Variants in TTN observed in about 807,000 individuals in gnomAD.
TTN encodes connectin.
In TTN, 1,525 loss-of-function variants were observed where a neutral mutation model predicts 3,223.0. The observed-to-expected ratio is 0.47, with a 90% CI of 0.45 to 0.49. The LOEUF is 0.49. Ranked by LOEUF, TTN falls within the 20% of genes least tolerant of loss-of-function variation. The pLI, the probability that TTN is intolerant of heterozygous loss-of-function variation, is 0.00. For synonymous variants in TTN, 14,094 were observed against 15,161.0 expected, an observed-to-expected ratio of 0.93 and a Z score of 5.17; for missense variants, 40,786 against 43,424.0, an observed-to-expected ratio of 0.94 and a Z score of 5.40.
Position 178,773,095 on chromosome 2 carries a change from A to G in TTN, c.7855+14T>C. ...TCACTCCTCGTAAGAATTTAGGTTA[A>G]TAAATATACCAACCTGCCACAGTAA... On this transcript the variant is annotated intron_variant, in intron 33 of 362. Coordinates refer to ENST00000589042, the MANE Select transcript of TTN (RefSeq NM_001267550.2). 9 of 1,613,764 alleles carry G rather than the reference A, an allele frequency of 5.6e-6. No individual in the cohort carries two copies. The highest frequency in any genetic ancestry group is 7.6e-6 in the Non-Finnish European group (9 of 1,179,788).
rs746903647 is a variant in TTN at position 178,585,290 on chromosome 2, C to T, written c.64454G>A (p.Arg21485Gln). The T allele has an allele frequency of 2.7e-5, 43 of 1,611,554 alleles. No homozygotes were observed. The highest frequency in any genetic ancestry group is 7.7e-5 in the South Asian group (7 of 90,660). The change falls in exon 309 of 363, where the codon CGA (arginine) becomes CAA (glutamine). Residue 21485 changes from arginine to glutamine, a missense_variant. Coordinates refer to ENST00000589042, the MANE Select transcript of TTN (RefSeq NM_001267550.2). The part of the protein sequence containing the change: ...QITIKAGKKL[R>Q]IEAHVYGKPH... Reference sequence around the variant, plus strand: ...CTTTCCATACACATGGGCTTCAATTCGGAGTTTTTTCCCAGCTTTGATAGT... The same window carrying T: ...CTTTCCATACACATGGGCTTCAATTTGGAGTTTTTTCCCAGCTTTGATAGT...
In TTN at chr2:178,671,090, C is replaced by T. The variant is rs548964552; in HGVS notation, c.35308G>A (p.Val11770Ile). ...VVPRKEPPAK[V>I]PEVPKKIVVE... is the part of the protein sequence containing the mutation. ...TAGTAATTTTTCACAAAGAAGATAC[C>T]TTTAGCTGGTGGCTCTTTTCGAGGA... The change falls in exon 156 of 363, where the codon GTA (valine) becomes ATA (isoleucine). Residue 11770 changes from valine (V) to isoleucine (I), a missense_variant and splice_region_variant. By Grantham distance (29) the Val-to-Ile change is conservative. Coordinates refer to ENST00000589042, the MANE Select transcript of TTN (RefSeq NM_001267550.2). 6.2e-7 allele frequency: 1 copy of T among 1,601,384 alleles called. No homozygotes were observed. Among genetic ancestry groups the T allele is most frequent in the East Asian group, 2.3e-5 (1 of 44,142 alleles).
Position 178,586,731 on chromosome 2 carries a change from G to C in TTN, c.64170C>G (p.Pro21390=), listed in dbSNP as rs779586083. Residue 21390 remains proline (P), a synonymous_variant, in exon 308 of 363, where the codon CCC becomes CCG. Coordinates refer to ENST00000589042, the MANE Select transcript of TTN (RefSeq NM_001267550.2). ...KNSATLAWLP[P]LRDGGAKIDG... is the part of the protein sequence containing the mutation. ...CGATTTTAGCACCTCCATCACGTAG[G>C]GGAGGTAACCAGGCTAAGGTGGCAC... 1.9e-6 allele frequency: 3 copies of C among 1,613,036 alleles called. No individual in the cohort carries two copies. The Admixed American group carries it at 5.0e-5, about 27-fold the overall frequency.
Position 178,716,882 on chromosome 2 carries a change from G to T in TTN, c.25639+213C>A, listed in dbSNP as rs76828063. Among the ~76,000 whole-genome samples, 159 of 152,060 alleles carry T rather than the reference G, an allele frequency of 1.0e-3. 1 individual carries two copies. The East Asian group carries it at 0.025, about 24-fold the overall frequency. On this transcript the variant is annotated intron_variant, in intron 88 of 362. Transcript: ENST00000589042. ...TCTCTATTTTTAGTCTCTTAAAATG[G>T]ACTTTTGGTCCATGTTTTCCTAGTT...
Position 178,609,874 on chromosome 2 carries a change from G to A in TTN, c.51549C>T (p.Ile17183=), listed in dbSNP as rs753353215. Residue 17183 remains isoleucine (I), a synonymous_variant, in exon 272 of 363, where the codon ATC becomes ATT. Transcript: ENST00000589042. ...YDGGSKIMGY[I]IEKIAKGEER... is the part of the protein sequence containing the mutation. ...CTTCACCCTTAGCAATCTTCTCTAT[G>A]ATGTAGCCCATTATCTTGCTCCCTC... 6.2e-7 allele frequency: 1 copy of A among 1,612,966 alleles called. No individual in the cohort carries two copies. Among genetic ancestry groups the A allele is most frequent in the African/African-American group, 1.3e-5 (1 of 74,940 alleles).
At chr2:178,629,579 T>A (rs960661294) in intron 239 of TTN, 136 bp from the exon 240 acceptor site, 1 of 1,303,012 alleles carries the variant, frequency 7.7e-7, no homozygotes, top group African/African-American at 1.5e-5. Flanking sequence ...AACTCCCACG[T>A]GAACGTGGCC....
intron 210 of TTN, 56 bp downstream of exon 210, chr2:178,650,108 T>C (rs1013695470): frequency 5.4e-6 from 8 of 1,480,420 alleles, no homozygotes; most frequent in East Asian, 2.4e-5. Context: ...GGAAGATATA[T>C]AGACATGAAA....
At position 178,601,322 on chromosome 2, in the gene TTN, A is replaced by C; in HGVS notation, c.55675T>G (p.Phe18559Val). 6.2e-7 allele frequency: 1 copy of C among 1,607,846 alleles called. No homozygotes were observed. The highest frequency in any genetic ancestry group is 8.5e-7 in the Non-Finnish European group (1 of 1,175,960). ...YFFRVRAENR[F>V]GIGPPVETIQ... ...GTTTCCACAGGTGGGCCAATACCAA[A>C]ACGGTTTTCTGCTCGCACACGGAAG... Residue 18559 changes from phenylalanine (F) to valine (V), a missense_variant, in exon 287 of 363, where the codon TTT (phenylalanine) becomes GTT (valine). Physicochemically the swap from Phe to Val is conservative, Grantham distance 50. Coordinates refer to ENST00000589042, the MANE Select transcript of TTN (RefSeq NM_001267550.2).
In TTN at chr2:178,588,852, T is replaced by C. The variant is rs2049627530; in HGVS notation, c.62873A>G (p.Lys20958Arg). The C allele has an allele frequency of 6.2e-7, 1 of 1,613,298 alleles. No homozygotes were observed. The highest frequency in any genetic ancestry group is 1.7e-5 in the Admixed American group (1 of 59,954). ...GCGACCAGGTTTATCATACTTGGTT[T>C]TGGCTATGACTGGTTTACTTTCTGT... is the stretch of plus-strand genomic sequence containing the variant. ...PPTESKPVIA[K>R]TKYDKPGRPD... The change falls in exon 304 of 363, where the codon AAA becomes AGA. Residue 20958 changes from lysine (K) to arginine (R), a missense_variant. By Grantham distance (26) the Lys-to-Arg change is conservative. Coordinates refer to ENST00000589042, the MANE Select transcript of TTN (RefSeq NM_001267550.2).
In TTN at chr2:178,631,156, G is replaced by A. The variant is rs1237863283; in HGVS notation, c.43892C>T (p.Ala14631Val). The change falls in exon 237 of 363, where the codon GCT becomes GTT. Residue 14631 changes from alanine to valine, a missense_variant. By Grantham distance (64) the Ala-to-Val change is moderately conservative (BLOSUM62 0). Coordinates refer to ENST00000589042, the MANE Select transcript of TTN (RefSeq NM_001267550.2). ...DGKEIKPSKN[A>V]VIKADGKKRM... ...TTTCTTGCCATCTGCCTTAATAACA[G>A]CATTTTTGGATGGCTTTATTTCCTT... 1.2e-6 allele frequency: 2 copies of A among 1,613,138 alleles called. No homozygotes were observed. The highest frequency in any genetic ancestry group is 1.3e-5 in the African/African-American group (1 of 74,872).
intron 1 of TTN, among the ~76,000 whole-genome samples, chr2:178,805,738 C>T (rs1378401836): frequency 3.3e-5 from 5 of 152,144 alleles, no homozygotes; most frequent in Admixed American, 3.3e-4. Flanking sequence ...AAAATGCTGG[C>T]TTGAGTTCTT....
At position 178,712,385 on chromosome 2, in the gene TTN, T is replaced by G. The variant is rs1056157601; in HGVS notation, c.27537A>C (p.Ala9179=). ...LEIPSSTVED[A]GQYNCYIENA... is the part of the protein sequence containing the mutation. ...TTTCAATGTAGCAGTTGTATTGTCC[T>G]GCATCCTCTACTGTGCTACTTGGAA... is the stretch of plus-strand genomic sequence containing the variant. Residue 9179 remains alanine, a synonymous_variant, in exon 95 of 363, where the codon GCA becomes GCC. Transcript: ENST00000589042. The G allele has an allele frequency of 1.2e-6, 2 of 1,613,876 alleles. No individual in the cohort carries two copies.
In TTN at chr2:178,577,085, G is replaced by A. The variant is rs794729281; in HGVS notation, c.69250C>T (p.Arg23084Ter). 1 of 1,613,238 alleles carries A rather than the reference G, an allele frequency of 6.2e-7. No homozygotes were observed. The highest frequency in any genetic ancestry group is 8.5e-7 in the Non-Finnish European group (1 of 1,179,554). The stretch of plus-strand genomic sequence containing the variant: ...TCAGAAACCACTGTCCACAAAAGTC[G>A]GCTGGTTTCTCTCTTTTCAAGTATA... ...SYILEKRETSRLLWTVVSEDI... is the reference protein window; with the variant it reads ...SYILEKRETS Residue 23084 changes from arginine (R) to a stop codon, truncating the protein, a stop_gained, in exon 324 of 363, where the codon CGA becomes TGA. Transcript: ENST00000589042. LOFTEE classifies it high-confidence loss of function.
Position 178,729,359 on chromosome 2 carries a change from G to A in TTN, c.18797C>T (p.Thr6266Ile). ...LHITKCDPSD[T>I]GEYQCIVSNE... ...GGATACAATGCACTGGTATTCCCCA[G>A]TGTCTGAAGGGTCACACTTGGTTAT... The change falls in exon 64 of 363, where the codon ACT (threonine) becomes ATT (isoleucine). Residue 6266 changes from threonine to isoleucine, a missense_variant. Thr to Ile is a moderately conservative substitution (Grantham distance 89). Coordinates refer to ENST00000589042, the MANE Select transcript of TTN (RefSeq NM_001267550.2). 6.2e-7 allele frequency: 1 copy of A among 1,613,602 alleles called. No individual in the cohort carries two copies. The highest frequency in any genetic ancestry group is 8.5e-7 in the Non-Finnish European group (1 of 1,179,656).
rs1250731428 is a variant in TTN at position 178,598,831 on chromosome 2, T to C, written c.56879A>G (p.Gln18960Arg). ...VTGLIEGSDY[Q>R]FRVYAINAAG... Reference sequence around the variant, plus strand: ...AGCATTGATTGCATATACCCGGAATTGATAGTCGGAACCTTCAATAAGACC... The same window carrying C: ...AGCATTGATTGCATATACCCGGAATCGATAGTCGGAACCTTCAATAAGACC... The change falls in exon 291 of 363, where the codon CAA becomes CGA. Residue 18960 changes from glutamine (Q) to arginine (R), a missense_variant. Gln to Arg is a conservative substitution (Grantham distance 43, BLOSUM62 1). Coordinates refer to ENST00000589042, the MANE Select transcript of TTN (RefSeq NM_001267550.2). 1.4e-5 allele frequency: 23 copies of C among 1,613,228 alleles called. No homozygotes were observed. The highest frequency in any genetic ancestry group is 1.9e-5 in the Non-Finnish European group (23 of 1,179,522).
In TTN at chr2:178,615,544, A is replaced by G. The variant is rs1322643763; in HGVS notation, c.48461-60T>C. ...AGGCCACCTATGCAGTTCTCTTCAC[A>G]TTGCCAACCCCTGCCTTGCCCCATA... On this transcript the variant is annotated intron_variant, in intron 258 of 362. Transcript: ENST00000589042. 5 of 1,608,050 alleles carry G rather than the reference A, an allele frequency of 3.1e-6. No homozygotes were observed. The Admixed American group carries it at 8.5e-5, about 27-fold the overall frequency.
At chr2:178,713,502 G>T in intron 92 of TTN, 130 bp from the exon 93 acceptor site, 6 of 1,364,616 alleles carry the variant, frequency 4.4e-6, no homozygotes, top group Non-Finnish European at 5.8e-6. Flanking sequence ...CTTTTGTGAC[G>T]GTATTAAAAA....
In TTN at chr2:178,534,617, A is replaced by T. The variant is rs1452192430; in HGVS notation, c.101998T>A (p.Ser34000Thr). The T allele has an allele frequency of 6.2e-7, 1 of 1,613,740 alleles. No individual in the cohort carries two copies. The highest frequency in any genetic ancestry group is 1.7e-5 in the Admixed American group (1 of 60,014). Residue 34000 changes from serine to threonine, a missense_variant, in exon 358 of 363, where the codon TCA (serine) becomes ACA (threonine). By Grantham distance (58) the Ser-to-Thr change is moderately conservative. Transcript: ENST00000589042. ...AGCACATATACCAGTGTTCCAAGTG[A>T]CCACATGTCTGTGGCTGTGCTGACA... Reference protein sequence around the residue: ...DVVSTATDMWSLGTLVYVLLS... With the variant: ...DVVSTATDMWTLGTLVYVLLS...
intron 254 of TTN, 29 bp from the exon 255 acceptor site, chr2:178,617,263 A>G (rs748544935): frequency 4.6e-6 from 7 of 1,538,326 alleles, no homozygotes; most frequent in Non-Finnish European, 6.1e-6. Flanking sequence ...ATTTGTAAAA[A>G]ACACATACAG....
Sources: allele counts gnomAD v4.1 joint callset (sites outside exome capture counted in the v4.1 genomes callset), GRCh38; gene constraint gnomAD v4.1.1; transcripts MANE v1.5; gene names NCBI Gene and HGNC (gene_info 2026-07-23, HGNC 2026-07-21).